The following CCDC40 variants were observed in gnomAD, a reference collection of about 807,000 sequenced individuals.
CCDC40 encodes the protein coiled-coil domain-containing protein 40.
Under a neutral mutation model 124.5 loss-of-function variants are expected in CCDC40, and 104 were observed. The observed-to-expected ratio is 0.84, with a 90% CI of 0.71 to 0.98. The LOEUF is 0.98. CCDC40 is among the 50% of genes least tolerant of loss of function. The probability of loss-of-function intolerance (pLI) is 0.00; values close to 1 mark genes in which losing one functional copy is unlikely to be tolerated. For missense variants in CCDC40, 1,463 were observed against 1,503.9 expected, an observed-to-expected ratio of 0.97 and a Z score of 0.45; for synonymous variants, 580 against 602.9, an observed-to-expected ratio of 0.96 and a Z score of 0.56.
intron 16 of CCDC40, 33 bp downstream of exon 16, chr17:80,088,135 T>C: frequency 6.9e-7 from 1 of 1,447,396 alleles, no homozygotes; most frequent in Non-Finnish European, 9.7e-7. Flanking sequence ...ACGTGGGTCA[T>C]GAAGGTCACT....
At chr17:80,059,056 T>C (rs2037827948) in intron 9 of CCDC40, 76 bp downstream of exon 9, 1 of 1,565,570 alleles carries the variant, frequency 6.4e-7, no homozygotes, top group Non-Finnish European at 8.8e-7. Flanking sequence ...GTGGGTCTAC[T>C]AGACTGCACC....
chr17:80,050,229 G>T lies in CCDC40; in HGVS notation c.1105G>T (p.Ala369Ser). 6.2e-7 allele frequency: 1 copy of T among 1,600,592 alleles called. No individual in the cohort carries two copies. The highest frequency in any genetic ancestry group is 8.5e-7 in the Non-Finnish European group (1 of 1,175,192). Reference protein sequence around the residue: ...RRQKEEELQAARALYTKTCAA... With the variant: ...RRQKEEELQASRALYTKTCAA... Reference sequence around the variant, plus strand: ...GCAGAAGGAGGAGGAGCTGCAGGCCGCCCGCGCTCTCTACACCAAGACCTG... The same window carrying T: ...GCAGAAGGAGGAGGAGCTGCAGGCCTCCCGCGCTCTCTACACCAAGACCTG... Residue 369 changes from alanine to serine, a missense_variant, in exon 7 of 20, where the codon GCC (alanine) becomes TCC (serine). Physicochemically the swap from Ala to Ser is moderately conservative, Grantham distance 99. Coordinates refer to ENST00000397545, the MANE Select transcript of CCDC40 (RefSeq NM_017950.4).
intron 7 of CCDC40, among the ~76,000 whole-genome samples, chr17:80,052,677 T>C (rs2037631858): frequency 6.6e-6 from 1 of 152,220 alleles, no homozygotes; most frequent in Non-Finnish European, 1.5e-5. Flanking sequence ...CCAGCCCTGA[T>C]TCTAAAAACA....
chr17:80,099,721 G>GC lies in CCDC40; in HGVS notation c.3376dup (p.His1126ProfsTer60), dbSNP rs2038883845. On this transcript the variant is annotated frameshift_variant, in exon 20 of 20. Transcript: ENST00000397545. LOFTEE classifies it low-confidence loss of function (END_TRUNC). ...AGTACCCCCAGTTCCAGGAGGCCCTGCACAAGGTCAGCCAGATGATCGCCA... is the reference window on the plus strand; with the variant it reads ...AGTACCCCCAGTTCCAGGAGGCCCTGCCACAAGGTCAGCCAGATGATCGCCA... 6.2e-7 allele frequency: 1 copy of GC among 1,613,620 alleles called. No homozygotes were observed. Among genetic ancestry groups the GC allele is most frequent in the African/African-American group, 1.3e-5 (1 of 74,906 alleles).
Position 80,086,225 on chromosome 17 carries a change from C to CGT in CCDC40, c.2449+10_2449+11insTG, listed in dbSNP as rs1568711205. On this transcript the variant is annotated intron_variant, in intron 14 of 19. Coordinates refer to ENST00000397545, the MANE Select transcript of CCDC40 (RefSeq NM_017950.4). This position sits in a 1 kb window ranked among gnomAD's most constrained non-coding sequence, Gnocchi z 5.5. The stretch of plus-strand genomic sequence containing the variant: ...GAAACTACGAGTAGAAAGTAAGAGC[C>CGT]GCCGTGCCCGGCCCTGCAGTGATGC... 6.3e-7 allele frequency: 1 copy of CGT among 1,579,534 alleles called. No homozygotes were observed. The highest frequency in any genetic ancestry group is 1.4e-5 in the African/African-American group (1 of 73,982).
At chr17:80,040,348 A>G in intron 3 of CCDC40, 78 bp downstream of exon 3, 1 of 1,305,652 alleles carries the variant, frequency 7.7e-7, no homozygotes, top group Non-Finnish European at 1.1e-6. Flanking sequence ...GGAACTTGGG[A>G]ATACATTATA....
At chr17:80,082,500 G>A (rs1016885365) in intron 12 of CCDC40, among the ~76,000 whole-genome samples, 6 of 151,920 alleles carry the variant, frequency 3.9e-5, no homozygotes, top group African/African-American at 7.3e-5. Flanking sequence ...CCAACACCCC[G>A]CCTCAAGCAG....
In CCDC40 at chr17:80,099,701, C is replaced by T. The variant is rs777697239; in HGVS notation, c.3355C>T (p.Pro1119Ser). The change falls in exon 20 of 20, where the codon CCC (proline) becomes TCC (serine). Residue 1119 changes from proline to serine, a missense_variant. Pro to Ser is a moderately conservative substitution (Grantham distance 74). Transcript: ENST00000397545. ...CCTGGACCGCGTGCGGGACGAGTAC[C>T]CCCAGTTCCAGGAGGCCCTGCACAA... ...TILDRVRDEY[P>S]QFQEALHKVS... 13 of 1,613,720 alleles carry T rather than the reference C, an allele frequency of 8.1e-6. No individual in the cohort carries two copies. The highest frequency in any genetic ancestry group is 2.2e-5 in the East Asian group (1 of 44,886).
At chr17:80,051,933 G>A (rs913926225) in intron 7 of CCDC40, among the ~76,000 whole-genome samples, 1 of 152,254 alleles carries the variant, frequency 6.6e-6, no homozygotes, top group African/African-American at 2.4e-5. Context: ...TCTGCTTCCT[G>A]GAGATTAGGA....
chr17:80,079,387 G>A (rs983401789), intron 10 of CCDC40, among the ~76,000 whole-genome samples: 6 of 151,926 alleles, frequency 3.9e-5, no homozygotes, highest in Admixed American at 6.6e-5. Context: ...AAAATCACCC[G>A]CGGCCGCTTA....
chr17:80,081,248 G>C (rs2143732722), intron 10 of CCDC40, among the ~76,000 whole-genome samples: 1 of 152,122 alleles, frequency 6.6e-6, no homozygotes, highest in East Asian at 1.9e-4. Flanking sequence ...AGCCGGGCAT[G>C]GTGGCGCACA....
At chr17:80,040,306 G>T in intron 3 of CCDC40, 36 bp downstream of exon 3, 3 of 1,589,338 alleles carry the variant, frequency 1.9e-6, no homozygotes, top group Non-Finnish European at 2.6e-6. Context: ...TGCCAGTGTC[G>T]CACGGCCCAC....
intron 19 of CCDC40, 102 bp from the exon 20 acceptor site, chr17:80,099,425 G>A (rs1219766528): frequency 7.9e-6 from 11 of 1,385,088 alleles, no homozygotes; most frequent in East Asian, 4.6e-5. Flanking sequence ...CGTAGGTCTC[G>A]CCTCCTCTTC....
rs1034061213 is a variant in CCDC40 at position 80,064,988 on chromosome 17, G to A, written c.1441-497G>A. Among the ~76,000 whole-genome samples, 4 of 151,688 alleles carry A rather than the reference G, an allele frequency of 2.6e-5. No homozygotes were observed. The East Asian group carries it at 5.8e-4, about 22-fold the overall frequency. ...AACCCTGCAGAGGTGTTTCACGGAT[G>A]CTGGCCAGGATCCCCTCCTCCTCTC... is the stretch of plus-strand genomic sequence containing the variant. On this transcript the variant is annotated intron_variant, in intron 9 of 19. Transcript: ENST00000397545.
Position 80,089,899 on chromosome 17 carries a change from G to A in CCDC40, c.2832+15G>A, listed in dbSNP as rs368643850. ...ACAGGATGAAGGTGAGGGGAGGAGA[G>A]CGGCGTGGCAGGGCCTGCTGGGTGC... On this transcript the variant is annotated intron_variant, in intron 17 of 19. Coordinates refer to ENST00000397545, the MANE Select transcript of CCDC40 (RefSeq NM_017950.4). 9.3e-6 allele frequency: 15 copies of A among 1,613,918 alleles called. No individual in the cohort carries two copies. The highest frequency in any genetic ancestry group is 1.3e-5 in the Non-Finnish European group (15 of 1,179,950).
rs1013686931 is a variant in CCDC40 at position 80,086,447 on chromosome 17, C to T, written c.2449+231C>T. The T allele has an allele frequency of 2.1e-5, 11 of 524,314 alleles. No homozygotes were observed. The highest frequency in any genetic ancestry group is 3.5e-5 in the Non-Finnish European group (10 of 288,312). The allele number at this position is 524,314 out of a possible 1,614,324, so 32.5% of individuals were successfully genotyped here. ...GTTGAGAAATGTCACGAAATGGCTCCAAGCTCACGGACTTCAGAGCTCTCC... is the reference window on the plus strand; with the variant it reads ...GTTGAGAAATGTCACGAAATGGCTCTAAGCTCACGGACTTCAGAGCTCTCC... On this transcript the variant is annotated intron_variant, in intron 14 of 19. Transcript: ENST00000397545. This position sits in a 1 kb window ranked among gnomAD's most constrained non-coding sequence, Gnocchi z 5.5.
chr17:80,071,073 G>A (rs2038174784), intron 10 of CCDC40, among the ~76,000 whole-genome samples: 2 of 152,234 alleles, frequency 1.3e-5, no homozygotes, highest in South Asian at 4.1e-4. Flanking sequence ...ATAACCACGA[G>A]GAGCCCACGG....
Position 80,084,774 on chromosome 17 carries a change from T to C in CCDC40, c.2021T>C (p.Ile674Thr), listed in dbSNP as rs993521014. 1.2e-6 allele frequency: 2 copies of C among 1,614,090 alleles called. No individual in the cohort carries two copies. Among genetic ancestry groups the C allele is most frequent in the Non-Finnish European group, 1.7e-6 (2 of 1,179,992 alleles). The change falls in exon 13 of 20, where the codon ATT (isoleucine) becomes ACT (threonine). Residue 674 changes from isoleucine (I) to threonine (T), a missense_variant. Coordinates refer to ENST00000397545, the MANE Select transcript of CCDC40 (RefSeq NM_017950.4). ...CATCTTTCCAAAATCAACGGTGACA[T>C]TGCCCAGACCACCCTGGACATCACA... ...MTHLSKINGD[I>T]AQTTLDITHT...
At chr17:80,042,886 G>A (rs1285063152) in intron 3 of CCDC40, among the ~76,000 whole-genome samples, 2 of 151,868 alleles carry the variant, frequency 1.3e-5, no homozygotes, top group Non-Finnish European at 2.9e-5. Context: ...AATCATAAAA[G>A]GGTATTGGGT....
Sources: allele counts gnomAD v4.1 joint callset (sites outside exome capture counted in the v4.1 genomes callset), GRCh38; gene constraint gnomAD v4.1.1; non-coding constraint Gnocchi (gnomAD v3.1); transcripts MANE v1.5; gene names NCBI Gene and HGNC (gene_info 2026-07-23, HGNC 2026-07-21).